The following CACNA2D4 variants were observed in gnomAD, a reference collection of about 807,000 sequenced individuals.
The protein encoded by CACNA2D4 is calcium voltage-gated channel auxiliary subunit alpha2delta 4, also known as voltage-dependent calcium channel subunit alpha-2/delta-4.
A neutral mutation model predicts 163.8 loss-of-function variants in CACNA2D4; 157 were observed. The ratio of observed to expected loss-of-function variants is 0.96; its 90% CI spans 0.84 to 1.09. CACNA2D4 has a LOEUF of 1.09. Ranked by LOEUF, CACNA2D4 falls within the 50% of genes least tolerant of loss-of-function variation. The pLI is 0.00. For synonymous variants in CACNA2D4, 598 were observed against 586.9 expected, an observed-to-expected ratio of 1.02 and a Z score of -0.27; for missense variants, 1,410 against 1,479.9, an observed-to-expected ratio of 0.95 and a Z score of 0.78.
rs1015309262 is a variant in CACNA2D4 at position 1,833,569 on chromosome 12, C to T, written c.2551+7170G>A. ...CTCGTGTGCCTCCAGGATTCCCCCTCCAGATGCCTTTGTACTTACAGGGCT... is the reference window on the plus strand; with the variant it reads ...CTCGTGTGCCTCCAGGATTCCCCCTTCAGATGCCTTTGTACTTACAGGGCT... On this transcript the variant is annotated intron_variant, in intron 26 of 37. Transcript: ENST00000382722. This position sits in a 1 kb window ranked among gnomAD's most constrained non-coding sequence, Gnocchi z 4.2. Among the ~76,000 whole-genome samples, 7 of 152,186 alleles carry T rather than the reference C, an allele frequency of 4.6e-5. No individual in the cohort carries two copies. Among genetic ancestry groups the T allele is most frequent in the Non-Finnish European group, 7.3e-5 (5 of 68,048 alleles).
intron 6 of CACNA2D4, among the ~76,000 whole-genome samples, chr12:1,901,539 A>T (rs181046611): frequency 6.6e-6 from 1 of 152,230 alleles, no homozygotes; most frequent in East Asian, 1.9e-4. Context: ...AATTCAAAGG[A>T]TCATTAGAGG....
chr12:1,810,356 G>A lies in CACNA2D4; in HGVS notation c.2659-16C>T. 6.2e-7 allele frequency: 1 copy of A among 1,612,954 alleles called. No homozygotes were observed. The highest frequency in any genetic ancestry group is 2.2e-5 in the East Asian group (1 of 44,866). On this transcript the variant is annotated splice_polypyrimidine_tract_variant and intron_variant, in intron 28 of 37. Transcript: ENST00000382722. ...AGTCCAGATCCTGGGAGGAAACCCAGAAGGGAGGTTATGCCAGGGCCCTCA... is the reference window on the plus strand; with the variant it reads ...AGTCCAGATCCTGGGAGGAAACCCAAAAGGGAGGTTATGCCAGGGCCCTCA...
At chr12:1,847,129 G>C (rs1211423598) in intron 23 of CACNA2D4, among the ~76,000 whole-genome samples, 2 of 152,150 alleles carry the variant, frequency 1.3e-5, no homozygotes, top group East Asian at 3.9e-4. Context: ...GTGAAGGGAG[G>C]GGGAGCAGGC....
intron 25 of CACNA2D4, 87 bp from the exon 26 acceptor site, chr12:1,840,906 G>T: frequency 8.5e-7 from 1 of 1,176,274 alleles, no homozygotes; most frequent in Non-Finnish European, 1.3e-6. Context: ...TAGGAGATGG[G>T]AATAAAAGCA....
Position 1,846,643 on chromosome 12 carries a change from C to T in CACNA2D4, c.2293G>A (p.Gly765Ser). The change falls in exon 24 of 38, where the codon GGC becomes AGC. Residue 765 changes from glycine (G) to serine (S), a missense_variant. Gly to Ser is a moderately conservative substitution (Grantham distance 56). Transcript: ENST00000382722. ...VDMAFLGTRAGLLRSSLFVGS... is the reference protein window; with the variant it reads ...VDMAFLGTRASLLRSSLFVGS... ...ACGAACAAGCTGCTTCTCAGGAGGC[C>T]AGCCCGGGTGCCCAGGAAGGCCATG... 1 of 1,604,912 alleles carries T rather than the reference C, an allele frequency of 6.2e-7. No individual in the cohort carries two copies. The highest frequency in any genetic ancestry group is 8.5e-7 in the Non-Finnish European group (1 of 1,177,672).
chr12:1,834,673 C>A lies in CACNA2D4; in HGVS notation c.2551+6066G>T. ...AAAAGCGCCAGCCCCTGATGGGGGACCCCGAGGGCGAGCACGAGGACCAGA... is the reference window on the plus strand; with the variant it reads ...AAAAGCGCCAGCCCCTGATGGGGGAACCCGAGGGCGAGCACGAGGACCAGA... On this transcript the variant is annotated intron_variant, in intron 26 of 37. Coordinates refer to ENST00000382722, the MANE Select transcript of CACNA2D4 (RefSeq NM_172364.5). The surrounding 1 kb of genome is among the most constrained non-coding windows in gnomAD (Gnocchi z 7.6). 1.2e-6 allele frequency: 2 copies of A among 1,601,768 alleles called. No individual in the cohort carries two copies. Among genetic ancestry groups the A allele is most frequent in the South Asian group, 1.1e-5 (1 of 91,060 alleles).
intron 35 of CACNA2D4, among the ~76,000 whole-genome samples, chr12:1,796,825 G>A (rs1160916649): frequency 6.6e-6 from 1 of 152,172 alleles, no homozygotes; most frequent in Non-Finnish European, 1.5e-5. Context: ...TTGGGTGCGG[G>A]GGGTCAGCAG....
At chr12:1,902,738 T>G (rs966224821) in intron 6 of CACNA2D4, among the ~76,000 whole-genome samples, 2 of 152,128 alleles carry the variant, frequency 1.3e-5, no homozygotes, top group Non-Finnish European at 2.9e-5. Context: ...TGGAAAGATA[T>G]TCCATGTTCA....
At chr12:1,870,183 C>T (rs1020979204) in intron 18 of CACNA2D4, among the ~76,000 whole-genome samples, 2 of 152,152 alleles carry the variant, frequency 1.3e-5, no homozygotes, top group African/African-American at 4.8e-5. Context: ...GACTCACACT[C>T]CAAACTGTCC....
Position 1,853,924 on chromosome 12 carries a change from C to A in CACNA2D4, c.2246+27G>T, listed in dbSNP as rs1330656380. Reference sequence around the variant, plus strand: ...AGGGAATTCTGGGGGCTGGTTGGGGCCTGGGAACCTGGGAACCTGGACCTA... The same window carrying A: ...AGGGAATTCTGGGGGCTGGTTGGGGACTGGGAACCTGGGAACCTGGACCTA... On this transcript the variant is annotated intron_variant, in intron 23 of 37. Transcript: ENST00000382722. 5 of 1,576,410 alleles carry A rather than the reference C, an allele frequency of 3.2e-6. No homozygotes were observed. The African/African-American group carries it at 4.0e-5, about 13-fold the overall frequency.
At chr12:1,817,316 G>T (rs1863907540) in intron 26 of CACNA2D4, among the ~76,000 whole-genome samples, 1 of 152,206 alleles carries the variant, frequency 6.6e-6, no homozygotes, top group Admixed American at 6.5e-5. Context: ...AGAGTCTGGA[G>T]TCTGGGTCCC....
chr12:1,817,181 G>T (rs116460660), intron 26 of CACNA2D4, among the ~76,000 whole-genome samples: 1,540 of 152,324 alleles, frequency 0.01, 25 homozygotes, highest in African/African-American at 0.035. Flanking sequence ...GGTCACAGAA[G>T]GCCAGTGCCA....
At chr12:1,819,596 C>T (rs1051530913) in intron 26 of CACNA2D4, among the ~76,000 whole-genome samples, 3 of 152,192 alleles carry the variant, frequency 2.0e-5, no homozygotes, top group Non-Finnish European at 4.4e-5. Context: ...GTGCTCCAGG[C>T]TGGTGGGGCC....
intron 24 of CACNA2D4, among the ~76,000 whole-genome samples, chr12:1,846,184 G>T (rs1592707108): frequency 6.6e-6 from 1 of 152,264 alleles, no homozygotes; most frequent in East Asian, 1.9e-4. Context: ...AGAAGATTCA[G>T]CCTGTCACAC....
At chr12:1,831,207 G>A (rs1161049823) in intron 26 of CACNA2D4, 6 of 1,613,818 alleles carry the variant, frequency 3.7e-6, no homozygotes, top group Non-Finnish European at 5.1e-6. Flanking sequence ...CATTTTCGGG[G>A]ACCTGACGAA....
rs1009029242 is a variant in CACNA2D4, at chr12:1,843,603, C to A, written c.2470+799G>T. 9.2e-5 allele frequency among the ~76,000 whole-genome samples: 14 copies of A among 152,192 alleles called. No homozygotes were observed. Among genetic ancestry groups the A allele is most frequent in the Non-Finnish European group, 1.5e-5 (1 of 68,032 alleles). On this transcript the variant is annotated intron_variant, in intron 25 of 37. Coordinates refer to ENST00000382722, the MANE Select transcript of CACNA2D4 (RefSeq NM_172364.5). The surrounding 1 kb of genome is among the most constrained non-coding windows in gnomAD (Gnocchi z 4.6). Reference sequence around the variant, plus strand: ...TGCACTCTGGGATCCCTGGACAAGCCCCGGAAGCTCCCTGGGCCACAGTCA... The same window carrying A: ...TGCACTCTGGGATCCCTGGACAAGCACCGGAAGCTCCCTGGGCCACAGTCA...
intron 1 of CACNA2D4, 200 bp downstream of exon 1, chr12:1,918,047 A>T (rs1203374945): frequency 3.6e-6 from 2 of 556,668 alleles, no homozygotes; most frequent in Non-Finnish European, 6.3e-6. Flanking sequence ...TCCAGAACTC[A>T]CAGAGCTTTT....
At chr12:1,831,135 A>G in intron 26 of CACNA2D4, 1 of 1,613,988 alleles carries the variant, frequency 6.2e-7, no homozygotes, top group Non-Finnish European at 8.5e-7. Context: ...GGCTTTCGCC[A>G]ACCTCTCCAG....
chr12:1,894,215 A>G (rs1469740459), intron 6 of CACNA2D4, among the ~76,000 whole-genome samples: 1 of 152,198 alleles, frequency 6.6e-6, no homozygotes, highest in Non-Finnish European at 1.5e-5. Flanking sequence ...GAACAGACCA[A>G]TAACACATAA....
Sources: allele counts gnomAD v4.1 joint callset (sites outside exome capture counted in the v4.1 genomes callset), GRCh38; gene constraint gnomAD v4.1.1; non-coding constraint Gnocchi (gnomAD v3.1); transcripts MANE v1.5; gene names NCBI Gene and HGNC (gene_info 2026-07-23, HGNC 2026-07-21).